Variants in PHACTR1 observed in about 807,000 individuals in gnomAD.
The protein encoded by PHACTR1 is RPEL repeat containing 1.
In PHACTR1, 16 loss-of-function variants were observed where a neutral mutation model predicts 69.2. The ratio of observed to expected loss-of-function variants is 0.23; its 90% CI spans 0.16 to 0.35. The LOEUF (loss-of-function observed/expected upper bound fraction) is 0.35. Among genes scored for constraint, PHACTR1 ranks in the 10% least tolerant of loss-of-function variants. The pLI is 1.00. For synonymous variants in PHACTR1, 312 were observed against 284.5 expected (o/e 1.10, Z -0.97); for missense variants, 510 against 734.7 (o/e 0.69, Z 3.54).
chr6:12,910,802 G>A (rs971542163), intron 4 of PHACTR1, among the ~76,000 whole-genome samples: 3 of 152,190 alleles, frequency 2.0e-5, no homozygotes, highest in Non-Finnish European at 4.4e-5. Context: ...AAGTGGCAAA[G>A]CCTGGATCTG....
chr6:12,928,000 A>G (rs1788454255), intron 4 of PHACTR1, among the ~76,000 whole-genome samples: 1 of 152,134 alleles, frequency 6.6e-6, no homozygotes, highest in African/African-American at 2.4e-5. Context: ...CCTGTTTTGA[A>G]TGGCAGCCAG....
intron 10 of PHACTR1, chr6:13,266,538 G>C (rs1204022596): frequency 6.6e-6 from 1 of 152,484 alleles, no homozygotes; most frequent in Non-Finnish European, 1.5e-5. Flanking sequence ...AGACTGGGTA[G>C]TTTATAACGA....
At chr6:13,058,854 C>T (rs548158099) in intron 5 of PHACTR1, among the ~76,000 whole-genome samples, 8 of 152,100 alleles carry the variant, frequency 5.3e-5, no homozygotes, top group South Asian at 2.1e-4. Flanking sequence ...AGCTGAGTGT[C>T]GTGCGGGTTG....
At chr6:12,757,726 G>A (rs759389122) in intron 4 of PHACTR1, among the ~76,000 whole-genome samples, 6 of 152,180 alleles carry the variant, frequency 3.9e-5, no homozygotes, top group Non-Finnish European at 7.3e-5. Context: ...GGGATAGAAC[G>A]ATCATTTGGG....
At position 13,160,196 on chromosome 6, in the gene PHACTR1, G is replaced by C. The variant is rs368345204; in HGVS notation, c.416-8G>C. ...ACATCTGCCTCCCTGTTTGTCTTTT[G>C]TTTGTAGCCCTGGAAAGGAAAATAT... On this transcript the variant is annotated splice_region_variant and splice_polypyrimidine_tract_variant and intron_variant, in intron 5 of 14. Transcript: ENST00000332995. The C allele has an allele frequency of 6.2e-7, 1 of 1,613,150 alleles. No homozygotes were observed. Among genetic ancestry groups the C allele is most frequent in the Non-Finnish European group, 8.5e-7 (1 of 1,179,252 alleles).
chr6:12,825,587 G>A (rs901788385), intron 4 of PHACTR1, among the ~76,000 whole-genome samples: 1 of 152,148 alleles, frequency 6.6e-6, no homozygotes, highest in East Asian at 1.9e-4. Flanking sequence ...CATCATTCTG[G>A]TTTTTATGTT....
intron 10 of PHACTR1, among the ~76,000 whole-genome samples, chr6:13,256,489 C>T (rs1386191469): frequency 1.3e-5 from 2 of 152,250 alleles, no homozygotes; most frequent in South Asian, 2.1e-4. Context: ...TGCAAAGTTT[C>T]CACTTTTACC....
chr6:13,029,101 A>G (rs1187931157), intron 4 of PHACTR1, among the ~76,000 whole-genome samples: 2 of 152,198 alleles, frequency 1.3e-5, no homozygotes, highest in Non-Finnish European at 2.9e-5. Context: ...AATTTGGTAG[A>G]AAAGGAAAAT....
intron 8 of PHACTR1, among the ~76,000 whole-genome samples, chr6:13,216,761 C>T (rs1430037982): frequency 6.6e-6 from 1 of 152,146 alleles, no homozygotes; most frequent in African/African-American, 2.4e-5. Flanking sequence ...TTCCAAGGTA[C>T]ATGATGTGGT....
At chr6:12,753,546 A>G (rs1396186994) in intron 4 of PHACTR1, among the ~76,000 whole-genome samples, 1 of 152,220 alleles carries the variant, frequency 6.6e-6, no homozygotes, top group African/African-American at 2.4e-5. Context: ...GTCCTTTTCT[A>G]ATCATAAGGA....
chr6:12,764,023 A>C (rs1262652564), intron 4 of PHACTR1, among the ~76,000 whole-genome samples: 1 of 152,210 alleles, frequency 6.6e-6, no homozygotes, highest in African/African-American at 2.4e-5. Flanking sequence ...ATTCATACCA[A>C]ATTTGTTGTT....
intron 5 of PHACTR1, among the ~76,000 whole-genome samples, chr6:13,115,493 T>G (rs1817685019): frequency 1.3e-5 from 2 of 152,112 alleles, no homozygotes; most frequent in South Asian, 4.1e-4. Context: ...CTTCTACCCA[T>G]GTCTTACTTA....
In PHACTR1 at chr6:12,808,971, G is replaced by A. The variant is rs916909764; in HGVS notation, c.250+59181G>A. On this transcript the variant is annotated intron_variant, in intron 4 of 14. Coordinates refer to ENST00000332995, the MANE Select transcript of PHACTR1 (RefSeq NM_030948.6). ...TGGCTCACTGCAACCTTCACTTCCC[G>A]GGCTCAAGTGATCCTCCCACTTCAG... Among the ~76,000 whole-genome samples, 12 of 151,916 alleles carry A rather than the reference G, an allele frequency of 7.9e-5. 3 individuals carry two copies. The highest frequency in any genetic ancestry group is 4.6e-4 in the Admixed American group (7 of 15,260).
chr6:12,961,297 CA>C (rs1792691838), intron 4 of PHACTR1, among the ~76,000 whole-genome samples: 1 of 151,980 alleles, frequency 6.6e-6, no homozygotes, highest in African/African-American at 2.4e-5. Context: ...GTTTCAAAAA[CA>C]ATTGAGATGG....
intron 5 of PHACTR1, among the ~76,000 whole-genome samples, chr6:13,156,016 G>A (rs1310575854): frequency 1.3e-5 from 2 of 152,146 alleles, no homozygotes; most frequent in African/African-American, 4.8e-5. Context: ...TGTTTTTAGA[G>A]CCTTTTTGTT....
chr6:12,935,852 C>A (rs2127534808), intron 4 of PHACTR1, among the ~76,000 whole-genome samples: 1 of 152,132 alleles, frequency 6.6e-6, no homozygotes, highest in African/African-American at 2.4e-5. Context: ...GAGCTGTGAG[C>A]CTGTGTGCAT....
At chr6:12,950,938 T>C (rs886802011) in intron 4 of PHACTR1, among the ~76,000 whole-genome samples, 1 of 152,148 alleles carries the variant, frequency 6.6e-6, no homozygotes, top group African/African-American at 2.4e-5. Context: ...TTGGTCCTAT[T>C]TGGGCACAAG....
At chr6:12,866,973 C>G (rs746448844) in intron 4 of PHACTR1, among the ~76,000 whole-genome samples, 2 of 152,160 alleles carry the variant, frequency 1.3e-5, no homozygotes, top group East Asian at 1.9e-4. Flanking sequence ...CTCCCTCCCC[C>G]CAGTTGCCCA....
chr6:13,134,909 C>G (rs758303857), intron 5 of PHACTR1, among the ~76,000 whole-genome samples: 1 of 152,022 alleles, frequency 6.6e-6, no homozygotes, highest in African/African-American at 2.4e-5. Context: ...GGTAACCTAC[C>G]CGAGTACACA....
Sources: gnomAD v4.1 joint callset for allele counts (sites outside exome capture counted in the v4.1 genomes callset) on GRCh38, gnomAD v4.1.1 for gene constraint, MANE v1.5 for transcripts, NCBI Gene and HGNC (gene_info 2026-07-23, HGNC 2026-07-21) for gene names.